The following DLGAP1 variants were observed in gnomAD, a reference collection of about 807,000 sequenced individuals.
DLGAP1 encodes disks large-associated protein 1.
DLGAP1 carries 11 observed loss-of-function variants against 90.8 expected under a neutral mutation model. That is an observed-to-expected ratio of 0.12 (90% CI 0.08 to 0.20). The LOEUF is 0.20. Ranked by LOEUF, DLGAP1 falls within the 10% of genes least tolerant of loss-of-function variation. The pLI is 1.00. For synonymous variants in DLGAP1, 558 were observed against 540.7 expected (o/e 1.03, Z -0.44); for missense variants, 1,050 against 1,333.8 (o/e 0.79, Z 3.31).
chr18:3,530,848 C>T (rs531435591), intron 10 of DLGAP1, among the ~76,000 whole-genome samples: 1 of 152,258 alleles, frequency 6.6e-6, no homozygotes, highest in Admixed American at 6.5e-5. Flanking sequence ...AAAGGAAACC[C>T]ATTTATGGGT....
intron 1 of DLGAP1, among the ~76,000 whole-genome samples, chr18:4,165,207 G>C (rs900817784): frequency 6.6e-6 from 1 of 152,156 alleles, no homozygotes; most frequent in Admixed American, 6.5e-5. Flanking sequence ...GAAAGGCAGA[G>C]AAAATATTTT....
chr18:3,680,513 C>T (rs765509835), intron 7 of DLGAP1, among the ~76,000 whole-genome samples: 2 of 152,146 alleles, frequency 1.3e-5, no homozygotes, highest in Non-Finnish European at 2.9e-5. Context: ...GGAGGCCGGG[C>T]GTGCTGGCTC....
chr18:4,140,455 T>C (rs2076477057), intron 2 of DLGAP1, among the ~76,000 whole-genome samples: 1 of 151,998 alleles, frequency 6.6e-6, no homozygotes, highest in Admixed American at 6.6e-5. Flanking sequence ...AATTTTCTTG[T>C]TTCTATTTAT....
Position 4,343,511 on chromosome 18 carries a change from A to G in DLGAP1, c.-267+111495T>C, listed in dbSNP as rs562865176. On this transcript the variant is annotated intron_variant, in intron 1 of 12. Coordinates refer to ENST00000315677, the MANE Select transcript of DLGAP1 (RefSeq NM_004746.4). ...TTAAAGTTATAAATAAGGGTAAAAC[A>G]GCCAAACTCTGATATTAAGAATCAT... Among the ~76,000 whole-genome samples the G allele has an allele frequency of 1.1e-4, 16 of 152,274 alleles. No homozygotes were observed. In the South Asian group the frequency reaches 3.1e-3, roughly 30 times the overall value.
At chr18:4,132,011 TG>T (rs916286284) in intron 2 of DLGAP1, among the ~76,000 whole-genome samples, 1 of 152,138 alleles carries the variant, frequency 6.6e-6, no homozygotes, top group African/African-American at 2.4e-5. Context: ...GCGGTTGAAA[TG>T]GTGTTTTATG....
In DLGAP1 at chr18:3,582,274, A is replaced by C. The variant is rs11662259; in HGVS notation, c.1592-26T>G. On this transcript the variant is annotated intron_variant, in intron 7 of 12. Coordinates refer to ENST00000315677, the MANE Select transcript of DLGAP1 (RefSeq NM_004746.4). ...CTGGAAGACAGTGAAAACAAAGACA[A>C]TGTGATTTCTGCGTGGGTTTTAATT... The C allele has an allele frequency of 0.19, 301,654 of 1,591,570 alleles. 29,276 individuals are homozygous for C. The highest frequency in any genetic ancestry group is 0.27 in the Middle Eastern group (1,621 of 5,934).
intron 1 of DLGAP1, among the ~76,000 whole-genome samples, chr18:4,179,634 C>T (rs1003254567): frequency 1.3e-5 from 2 of 152,122 alleles, no homozygotes; most frequent in African/African-American, 4.8e-5. Flanking sequence ...TTATCCTAGA[C>T]TCTCACATTT....
intron 2 of DLGAP1, among the ~76,000 whole-genome samples, chr18:4,145,888 G>A (rs1323479802): frequency 6.6e-6 from 1 of 152,034 alleles, no homozygotes; most frequent in Admixed American, 6.5e-5. Flanking sequence ...CTTCATGCTT[G>A]ACACTGAGGA....
intron 3 of DLGAP1, among the ~76,000 whole-genome samples, chr18:3,958,877 G>C (rs1245480869): frequency 1.3e-5 from 2 of 152,204 alleles, no homozygotes; most frequent in African/African-American, 4.8e-5. Context: ...TTTGACATTT[G>C]ATGCATTTCT....
chr18:4,130,930 G>C (rs529912688), intron 2 of DLGAP1, among the ~76,000 whole-genome samples: 1 of 152,122 alleles, frequency 6.6e-6, no homozygotes, highest in Non-Finnish European at 1.5e-5. Context: ...GGCCAGCAGG[G>C]GGAATTGCAG....
chr18:3,708,445 G>A (rs1365036213), intron 7 of DLGAP1: 1 of 456,560 alleles, frequency 2.2e-6, no homozygotes, highest in Non-Finnish European at 4.4e-6. Context: ...ATCAGGGGTG[G>A]AGGAGTCATG....
chr18:4,100,611 T>C (rs990962219), intron 2 of DLGAP1, among the ~76,000 whole-genome samples: 2 of 152,186 alleles, frequency 1.3e-5, no homozygotes, highest in East Asian at 3.8e-4. Context: ...AAACCAGGCA[T>C]TGACTTCTCC....
At position 3,727,136 on chromosome 18, in the gene DLGAP1, C is replaced by G. The variant is rs906028153; in HGVS notation, c.1591+1999G>C. 6.6e-6 allele frequency among the ~76,000 whole-genome samples: 1 copy of G among 152,154 alleles called. No individual in the cohort carries two copies. The highest frequency in any genetic ancestry group is 2.4e-5 in the African/African-American group (1 of 41,438). On this transcript the variant is annotated intron_variant, in intron 7 of 12. Coordinates refer to ENST00000315677, the MANE Select transcript of DLGAP1 (RefSeq NM_004746.4). This position sits in a 1 kb window ranked among gnomAD's most constrained non-coding sequence, Gnocchi z 4.7. ...TTTCTCATGCAATATTTGGGATATA[C>G]CTATCCAGCAGAATTATTCACTCTT...
intron 3 of DLGAP1, among the ~76,000 whole-genome samples, chr18:3,900,726 A>T (rs768307590): frequency 2.6e-5 from 4 of 152,196 alleles, no homozygotes; most frequent in Non-Finnish European, 5.9e-5. Context: ...GGTTGGTTAG[A>T]GGAAAAAAAG....
At chr18:3,508,911 G>A (rs767422867) in intron 10 of DLGAP1, among the ~76,000 whole-genome samples, 2 of 151,684 alleles carry the variant, frequency 1.3e-5, no homozygotes, top group Admixed American at 1.3e-4. Context: ...TTTCTTGGGA[G>A]CAATGGAGTT....
intron 7 of DLGAP1, among the ~76,000 whole-genome samples, chr18:3,669,538 A>T (rs774149352): frequency 4.6e-5 from 7 of 152,158 alleles, no homozygotes; most frequent in African/African-American, 7.2e-5. Context: ...GTCATTAGAG[A>T]GCATGTCTGC....
chr18:3,628,396 G>T (rs558497719), intron 7 of DLGAP1, among the ~76,000 whole-genome samples: 2 of 151,146 alleles, frequency 1.3e-5, no homozygotes, highest in South Asian at 2.1e-4. Context: ...GACCATGTCC[G>T]CCAGGGGTCT....
At chr18:4,329,984 G>A (rs1027751904) in intron 1 of DLGAP1, among the ~76,000 whole-genome samples, 5 of 151,958 alleles carry the variant, frequency 3.3e-5, no homozygotes, top group Non-Finnish European at 7.4e-5. Context: ...GAAATCATCA[G>A]TGAAGCCACC....
chr18:4,295,646 A>G (rs2079962958), intron 1 of DLGAP1, among the ~76,000 whole-genome samples: 1 of 152,208 alleles, frequency 6.6e-6, no homozygotes, highest in South Asian at 2.1e-4. Context: ...TGGCTGTGCT[A>G]CTTCCTAGCT....
Sources: gnomAD v4.1 joint callset for allele counts (sites outside exome capture counted in the v4.1 genomes callset) on GRCh38, gnomAD v4.1.1 for gene constraint, Gnocchi (gnomAD v3.1) non-coding constraint, MANE v1.5 for transcripts, NCBI Gene and HGNC (gene_info 2026-07-23, HGNC 2026-07-21) for gene names.